Variants in MAP7 observed in about 807,000 individuals in gnomAD.
The protein encoded by MAP7 is ensconsin.
Under a neutral mutation model 94.8 loss-of-function variants are expected in MAP7, and 52 were observed. That is an observed-to-expected ratio of 0.55 (90% CI 0.44 to 0.69). The LOEUF (loss-of-function observed/expected upper bound fraction) is 0.69, where lower values mean the gene tolerates loss of function less well. Ranked by LOEUF, MAP7 falls within the 30% of genes least tolerant of loss-of-function variation. The pLI is 0.00. For synonymous variants in MAP7, 350 were observed against 357.0 expected, an observed-to-expected ratio of 0.98 and a Z score of 0.22; for missense variants, 940 against 964.6, an observed-to-expected ratio of 0.97 and a Z score of 0.34.
intron 1 of MAP7, among the ~76,000 whole-genome samples, chr6:136,504,772 C>T (rs1459810653): frequency 6.6e-6 from 1 of 152,190 alleles, no homozygotes; most frequent in African/African-American, 2.4e-5. Context: ...CCTCTGCCTC[C>T]CAGGTTCAAG....
Position 136,539,966 on chromosome 6 carries a change from G to A in MAP7, c.67+10376C>T, listed in dbSNP as rs1464753647. Among the ~76,000 whole-genome samples, 5 of 152,286 alleles carry A rather than the reference G, an allele frequency of 3.3e-5. No homozygotes were observed. The East Asian group carries it at 7.7e-4, about 24-fold the overall frequency. ...TGCATCCCAGCTTGGGCGACAGAGC[G>A]AGACCCTGTCTCAAAAACAAAACCA... is the stretch of plus-strand genomic sequence containing the variant. On this transcript the variant is annotated intron_variant, in intron 1 of 17. Transcript: ENST00000354570.
chr6:136,413,436 C>T (rs369458520), intron 2 of MAP7, among the ~76,000 whole-genome samples: 5 of 150,660 alleles, frequency 3.3e-5, no homozygotes, highest in Admixed American at 1.3e-4. Flanking sequence ...GCAGGAGAAT[C>T]GCTTGAATCC....
chr6:136,441,406 T>A (rs963144253), intron 1 of MAP7, among the ~76,000 whole-genome samples: 1 of 152,196 alleles, frequency 6.6e-6, no homozygotes, highest in Middle Eastern at 3.2e-3. Flanking sequence ...GTTCACGAAA[T>A]CAAATAATTA....
chr6:136,539,483 C>T (rs904522489), intron 1 of MAP7, among the ~76,000 whole-genome samples: 4 of 152,186 alleles, frequency 2.6e-5, no homozygotes, highest in African/African-American at 9.6e-5. Flanking sequence ...CAAAGATACT[C>T]TTATTTAGGA....
At chr6:136,392,621 A>G (rs1172869140) in intron 3 of MAP7, among the ~76,000 whole-genome samples, 1 of 152,072 alleles carries the variant, frequency 6.6e-6, no homozygotes, top group Non-Finnish European at 1.5e-5. Flanking sequence ...GTAAATCCCT[A>G]TGTAGATGTG....
intron 1 of MAP7, among the ~76,000 whole-genome samples, chr6:136,443,972 T>C (rs980925829): frequency 6.6e-6 from 1 of 152,244 alleles, no homozygotes; most frequent in African/African-American, 2.4e-5. Context: ...ATCATTGTCA[T>C]AGGGCACAAA....
intron 2 of MAP7, among the ~76,000 whole-genome samples, chr6:136,415,999 T>G (rs1460991505): frequency 6.6e-6 from 1 of 152,236 alleles, no homozygotes; most frequent in African/African-American, 2.4e-5. Context: ...TGTAGGTTGT[T>G]TCTATCCCTC....
chr6:136,363,395 CCAGCAAGTGCA>C (rs1793394887), intron 10 of MAP7, among the ~76,000 whole-genome samples: 1 of 152,264 alleles, frequency 6.6e-6, no homozygotes, highest in Non-Finnish European at 1.5e-5. Flanking sequence ...GAGCAAGGCA[CCAGCAAGTGCA>C]AGCTCTGGCC....
chr6:136,521,234 A>T (rs1826323241), intron 1 of MAP7, among the ~76,000 whole-genome samples: 1 of 152,144 alleles, frequency 6.6e-6, no homozygotes, highest in African/African-American at 2.4e-5. Context: ...GGACAAATAA[A>T]CTTAGCTACA....
chr6:136,481,531 G>A (rs1026206155), intron 1 of MAP7, among the ~76,000 whole-genome samples: 9 of 152,186 alleles, frequency 5.9e-5, no homozygotes, highest in African/African-American at 9.6e-5. Flanking sequence ...GACTTTGTGT[G>A]TTCTCATTTG....
intron 1 of MAP7, among the ~76,000 whole-genome samples, chr6:136,440,497 T>C (rs1797520625): frequency 6.6e-6 from 1 of 152,174 alleles, no homozygotes; most frequent in Admixed American, 6.6e-5. Context: ...AAGAACAGGA[T>C]ATGCATCAGC....
chr6:136,355,200 T>C (rs1277912297), intron 16 of MAP7, among the ~76,000 whole-genome samples: 3 of 151,520 alleles, frequency 2.0e-5, no homozygotes, highest in Non-Finnish European at 4.4e-5. Context: ...AAAGAAACTA[T>C]GGTAGGCATT....
At chr6:136,456,937 A>G (rs1803450501) in intron 1 of MAP7, among the ~76,000 whole-genome samples, 1 of 151,928 alleles carries the variant, frequency 6.6e-6, no homozygotes, top group Non-Finnish European at 1.5e-5. Context: ...ACAGGGTATA[A>G]AGCTAGTGCA....
chr6:136,479,702 C>A lies in MAP7; in HGVS notation c.68-57903G>T, dbSNP rs2876333. 6.4e-3 allele frequency among the ~76,000 whole-genome samples: 977 copies of A among 152,224 alleles called. 25 individuals carry two copies. Among genetic ancestry groups the A allele is most frequent in the Admixed American group, 0.052 (797 of 15,286 alleles). On this transcript the variant is annotated intron_variant, in intron 1 of 17. Coordinates refer to ENST00000354570, the MANE Select transcript of MAP7 (RefSeq NM_003980.6). ...AAACATACAAAAATCAGTAGCATTTCCATACACCAACAGCAAACAGTCAAA... is the reference window on the plus strand; with the variant it reads ...AAACATACAAAAATCAGTAGCATTTACATACACCAACAGCAAACAGTCAAA...
chr6:136,526,610 G>A (rs116264832), intron 1 of MAP7: 6 of 985,402 alleles, frequency 6.1e-6, no homozygotes, highest in Non-Finnish European at 7.2e-6. Flanking sequence ...GGGTTACAGC[G>A]TGAGGCCGCT....
chr6:136,528,991 T>C (rs959422538), intron 1 of MAP7, among the ~76,000 whole-genome samples: 5 of 152,250 alleles, frequency 3.3e-5, no homozygotes, highest in Non-Finnish European at 4.4e-5. Context: ...GCTTGATCCC[T>C]GTAGAGGTGT....
intron 1 of MAP7, among the ~76,000 whole-genome samples, chr6:136,459,868 T>C (rs1436307217): frequency 6.6e-6 from 1 of 152,172 alleles, no homozygotes; most frequent in African/African-American, 2.4e-5. Context: ...TCGTACACTT[T>C]AATATTTAAG....
intron 16 of MAP7, among the ~76,000 whole-genome samples, chr6:136,352,225 T>G (rs2128531912): frequency 6.6e-6 from 1 of 151,426 alleles, no homozygotes; most frequent in African/African-American, 2.4e-5. Context: ...TCCCACTCTG[T>G]TGCCCAGGGT....
intron 1 of MAP7, among the ~76,000 whole-genome samples, chr6:136,478,622 C>T (rs1811699528): frequency 6.6e-6 from 1 of 151,890 alleles, no homozygotes; most frequent in African/African-American, 2.4e-5. Flanking sequence ...GGAGGCATTA[C>T]AACCAATATT....
Sources: gnomAD v4.1 joint callset for allele counts (sites outside exome capture counted in the v4.1 genomes callset) on GRCh38, gnomAD v4.1.1 for gene constraint, MANE v1.5 for transcripts, NCBI Gene and HGNC (gene_info 2026-07-23, HGNC 2026-07-21) for gene names.